Variants in DNAH3 observed in about 807,000 individuals in gnomAD.
DNAH3 encodes axonemal beta dynein heavy chain 3.
DNAH3 carries 332 observed loss-of-function variants against 432.5 expected under a neutral mutation model. The observed-to-expected ratio is 0.77, with a 90% CI of 0.70 to 0.84. The LOEUF is 0.84. Ranked by LOEUF, DNAH3 falls within the 40% of genes least tolerant of loss-of-function variation. The pLI is 0.00. For missense variants in DNAH3, 4,861 were observed against 5,114.0 expected (o/e 0.95, Z 1.51); for synonymous variants, 1,956 against 1,900.2 (o/e 1.03, Z -0.76).
intron 15 of DNAH3, 47 bp downstream of exon 15, chr16:21,106,443 T>G: frequency 1.4e-6 from 2 of 1,391,304 alleles, no homozygotes; most frequent in East Asian, 4.8e-5. Flanking sequence ...ATATAAAATA[T>G]ACATATAGGT....
At chr16:21,157,675 C>T (rs913978634) in intron 1 of DNAH3, among the ~76,000 whole-genome samples, 2 of 152,138 alleles carry the variant, frequency 1.3e-5, no homozygotes, top group African/African-American at 4.8e-5. Flanking sequence ...GCTATGGCCA[C>T]AGGCAAAGAG....
intron 20 of DNAH3, among the ~76,000 whole-genome samples, chr16:21,075,914 CAAAAA>C (rs34186982): frequency 1.1e-4 from 6 of 52,684 alleles, no homozygotes; most frequent in South Asian, 1.1e-3. Flanking sequence ...AACCCTGTCT[CAAAAA>C]AAAAAAAAAA....
rs71377697 is a variant in DNAH3 at position 20,944,776 on chromosome 16, G to GACACAC, written c.11344-119_11344-114dup. 6,488 of 701,730 alleles carry GACACAC rather than the reference G, an allele frequency of 9.2e-3. 48 individuals are homozygous for GACACAC. Among genetic ancestry groups the GACACAC allele is most frequent in the African/African-American group, 0.037 (2,055 of 55,364 alleles). The allele number at this position is 701,730 out of a possible 1,614,324, so 43.5% of individuals were successfully genotyped here. On this transcript the variant is annotated intron_variant, in intron 57 of 61. Transcript: ENST00000261383. ...GAATCATACTGTATCAGTAGCACAG[G>GACACAC]ACACACACACACACACACACACACA...
chr16:21,118,371 GC>G (rs1379980460), intron 11 of DNAH3, among the ~76,000 whole-genome samples: 1 of 152,062 alleles, frequency 6.6e-6, no homozygotes, highest in Admixed American at 6.6e-5. Context: ...ACAAACGATG[GC>G]TTTATGATCA....
In DNAH3 at chr16:21,114,532, G is replaced by A. The variant is rs544125075; in HGVS notation, c.1815-2434C>T. On this transcript the variant is annotated intron_variant, in intron 12 of 61. Coordinates refer to ENST00000261383, the Ensembl canonical transcript of DNAH3. ...GAAACTGAGATGCAATGAGAAATCC[G>A]TGGAACTGTCAATCCAGAAAGACAA... Among the ~76,000 whole-genome samples the A allele has an allele frequency of 1.6e-3, 241 of 152,262 alleles. 3 individuals are homozygous for A. The highest frequency in any genetic ancestry group is 5.5e-3 in the African/African-American group (227 of 41,562).
chr16:21,115,654 C>G (rs570625183), intron 12 of DNAH3, among the ~76,000 whole-genome samples: 14 of 151,522 alleles, frequency 9.2e-5, no homozygotes, highest in African/African-American at 2.9e-4. Context: ...TTGCAGTGAG[C>G]TGAGATCATG....
At chr16:21,117,765 C>T (rs1375793372) in intron 11 of DNAH3, among the ~76,000 whole-genome samples, 1 of 152,194 alleles carries the variant, frequency 6.6e-6, no homozygotes, top group Non-Finnish European at 1.5e-5. Context: ...TCATATTTGA[C>T]TTCTTCACTG....
chr16:20,992,415 G>A (rs1567602314), intron 44 of DNAH3, among the ~76,000 whole-genome samples: 2 of 151,888 alleles, frequency 1.3e-5, no homozygotes, highest in Admixed American at 6.6e-5. Context: ...GTGGGATCTC[G>A]GCTCACTGCA....
At chr16:21,039,911 T>G in exon 33 of DNAH3, 1 of 1,613,818 alleles carries the variant, frequency 6.2e-7, no homozygotes. Flanking sequence ...GGGCGTAATC[T>G]GGGACCATCA....
At chr16:20,989,314 A>C (rs2086414512) in intron 44 of DNAH3, among the ~76,000 whole-genome samples, 1 of 151,790 alleles carries the variant, frequency 6.6e-6, no homozygotes, top group Non-Finnish European at 1.5e-5. Flanking sequence ...CCAAGGCCCC[A>C]CCAGAGCAGC....
At chr16:20,960,138 AT>A (rs533338118) in intron 53 of DNAH3, among the ~76,000 whole-genome samples, 372 of 152,208 alleles carry the variant, frequency 2.4e-3, no homozygotes, top group Non-Finnish European at 4.4e-3. Flanking sequence ...AGAATACTGC[AT>A]TTTTTTCCCA....
chr16:21,055,660 A>G (rs962881022), intron 27 of DNAH3, among the ~76,000 whole-genome samples: 2 of 151,970 alleles, frequency 1.3e-5, no homozygotes, highest in African/African-American at 4.8e-5. Flanking sequence ...TTAAAATCCT[A>G]CCTTCCCTAC....
chr16:20,988,533 G>C (rs1273850955), intron 44 of DNAH3, among the ~76,000 whole-genome samples: 1 of 152,198 alleles, frequency 6.6e-6, no homozygotes, highest in African/African-American at 2.4e-5. Context: ...TCCAGCCTCA[G>C]CCTCCAGAGT....
At chr16:21,092,269 T>C (rs2091557073) in intron 18 of DNAH3, among the ~76,000 whole-genome samples, 1 of 152,126 alleles carries the variant, frequency 6.6e-6, no homozygotes, top group African/African-American at 2.4e-5. Context: ...GAAAGTCACA[T>C]AGATCAGTGG....
intron 53 of DNAH3, among the ~76,000 whole-genome samples, chr16:20,959,989 T>A (rs1325877935): frequency 6.6e-6 from 1 of 152,100 alleles, no homozygotes; most frequent in Non-Finnish European, 1.5e-5. Flanking sequence ...ACAAGAAATA[T>A]AAGCATTTGT....
intron 55 of DNAH3, among the ~76,000 whole-genome samples, chr16:20,954,267 C>T (rs368036560): frequency 6.9e-5 from 10 of 143,982 alleles, no homozygotes; most frequent in Non-Finnish European, 1.4e-4. Context: ...TAACATTTTG[C>T]TTATGTATTA....
At position 21,124,175 on chromosome 16, in the gene DNAH3, T is replaced by C. The variant is rs139925632; in HGVS notation, c.1404+1000A>G. Among the ~76,000 whole-genome samples, 506 of 152,320 alleles carry C rather than the reference T, an allele frequency of 3.3e-3. 9 individuals are homozygous for C. The highest frequency in any genetic ancestry group is 0.012 in the African/African-American group (486 of 41,568). ...TTAGGTCAACAAAGCCTTTTGTCTT[T>C]AGAGGTGCCCCTTGCCAAGACCAAA... On this transcript the variant is annotated intron_variant, in intron 9 of 61. Transcript: ENST00000261383.
intron 23 of DNAH3, among the ~76,000 whole-genome samples, chr16:21,069,028 G>A (rs1443843401): frequency 1.3e-5 from 2 of 151,820 alleles, no homozygotes; most frequent in East Asian, 1.9e-4. Context: ...GAGTTCAAGC[G>A]ATCCTCCCAC....
intron 41 of DNAH3, among the ~76,000 whole-genome samples, chr16:21,012,802 C>A (rs1030254251): frequency 6.6e-6 from 1 of 152,038 alleles, no homozygotes; most frequent in Admixed American, 6.6e-5. Flanking sequence ...TACTCTGTCA[C>A]CCAGGCTGGA....
Sources: gnomAD v4.1 joint callset for allele counts (sites outside exome capture counted in the v4.1 genomes callset) on GRCh38, gnomAD v4.1.1 for gene constraint, MANE v1.5 for transcripts, NCBI Gene and HGNC (gene_info 2026-07-23, HGNC 2026-07-21) for gene names.